GPHN: variants seen among roughly 807,000 people sequenced by gnomAD.
The protein encoded by GPHN is gephyrin.
In GPHN, 17 loss-of-function variants were observed where a neutral mutation model predicts 95.5. That is an observed-to-expected ratio of 0.18 (90% CI 0.12 to 0.27). The LOEUF (loss-of-function observed/expected upper bound fraction) is 0.27, where lower values mean the gene tolerates loss of function less well. Ranked by LOEUF, GPHN falls within the 10% of genes least tolerant of loss-of-function variation. GPHN has a pLI of 1.00. For synonymous variants in GPHN, 320 were observed against 322.5 expected (o/e 0.99, Z 0.08); for missense variants, 660 against 978.1 (o/e 0.67, Z 4.34).
the GPHN span, chr14:67,569,044 C>A: frequency 1.2e-6 from 1 of 815,636 alleles, no homozygotes; most frequent in Non-Finnish European, 2.0e-6. Flanking sequence ...CAGGTCTGCC[C>A]ACCCCCAAAG....
At chr14:67,682,811 C>T in the GPHN span, among the ~76,000 whole-genome samples, 1 of 152,146 alleles carries the variant, frequency 6.6e-6, no homozygotes, top group African/African-American at 2.4e-5. Flanking sequence ...ATTCAAATAG[C>T]TAAAAAGTGC....
At chr14:67,303,703 A>AG in the GPHN span, 5 of 698,302 alleles carry the variant, frequency 7.2e-6, no homozygotes, top group Admixed American at 6.0e-5. Context: ...TACTCAAATA[A>AG]ATTCAATCAT....
At chr14:66,814,355 C>CT (rs1161415178) in intron 3 of GPHN, among the ~76,000 whole-genome samples, 10 of 152,334 alleles carry the variant, frequency 6.6e-5, no homozygotes, top group Non-Finnish European at 1.2e-4. Context: ...CCCCCACCAG[C>CT]TGTGTTGCCT....
the GPHN span, chr14:67,678,344 G>A: frequency 6.2e-7 from 1 of 1,613,756 alleles, no homozygotes; most frequent in Non-Finnish European, 8.5e-7. Flanking sequence ...AGGCCCAGCA[G>A]GTCACAACTG....
At chr14:67,036,500 T>TACAC (rs2074427603) in intron 10 of GPHN, among the ~76,000 whole-genome samples, 1 of 59,136 alleles carries the variant, frequency 1.7e-5, no homozygotes, top group Non-Finnish European at 2.7e-5. Context: ...TATACATACA[T>TACAC]GCACACACAC....
In GPHN at chr14:66,748,261, A is replaced by G. The variant is rs148979495; in HGVS notation, c.144-28203A>G. On this transcript the variant is annotated intron_variant, in intron 2 of 22. Coordinates refer to ENST00000478722, the MANE Select transcript of GPHN (RefSeq NM_020806.5). ...TTAATAAACTCATTTTTAAATTTAA[A>G]TTGCAAAAGTTATCACAGGCTTTCT... Among the ~76,000 whole-genome samples the G allele has an allele frequency of 5.9e-5, 9 of 152,190 alleles. No individual in the cohort carries two copies. The East Asian group carries it at 1.3e-3, about 23-fold the overall frequency.
chr14:66,946,293 A>T (rs540878222), intron 8 of GPHN, among the ~76,000 whole-genome samples: 1 of 152,356 alleles, frequency 6.6e-6, no homozygotes, highest in South Asian at 2.1e-4. Flanking sequence ...CTGGTAAGAC[A>T]CAGAATCTCT....
the GPHN span, among the ~76,000 whole-genome samples, chr14:67,238,345 T>G: frequency 8.4e-3 from 1,255 of 150,246 alleles, 16 homozygotes; most frequent in African/African-American, 0.028. Flanking sequence ...CACAGCTCAC[T>G]GCAGCCTAGA....
At chr14:66,734,200 G>T (rs1038981700) in intron 2 of GPHN, among the ~76,000 whole-genome samples, 20 of 151,986 alleles carry the variant, frequency 1.3e-4, no homozygotes, top group African/African-American at 4.8e-4. Context: ...AACCTTGGTG[G>T]CTCTCTATAA....
chr14:67,348,706 G>C, the GPHN span: 1 of 180,414 alleles, frequency 5.5e-6, no homozygotes, highest in Non-Finnish European at 1.1e-5. Flanking sequence ...ATTATTAGTA[G>C]AGATGGGGTT....
At position 66,662,821 on chromosome 14, in the gene GPHN, A is replaced by G. The variant is rs369850459; in HGVS notation, c.65-18286A>G. Among the ~76,000 whole-genome samples the G allele has an allele frequency of 2.5e-4, 38 of 152,372 alleles. 1 individual carries two copies. Among genetic ancestry groups the G allele is most frequent in the East Asian group, 1.5e-3 (8 of 5,180 alleles). On this transcript the variant is annotated intron_variant, in intron 1 of 22. Coordinates refer to ENST00000478722, the MANE Select transcript of GPHN (RefSeq NM_020806.5). ...CTGAAGAAAACAACAGAAGAAGTTC[A>G]TAATGTAATTCCAAGTATTAATAGC...
At chr14:66,821,186 G>A (rs1366666791) in intron 3 of GPHN, among the ~76,000 whole-genome samples, 1 of 152,100 alleles carries the variant, frequency 6.6e-6, no homozygotes, top group Non-Finnish European at 1.5e-5. Flanking sequence ...ACTAAGCTAA[G>A]ATAAATTACT....
chr14:66,548,330 A>G (rs562697833), intron 1 of GPHN, among the ~76,000 whole-genome samples: 1 of 151,960 alleles, frequency 6.6e-6, no homozygotes, highest in East Asian at 1.9e-4. Context: ...ACGGGCGCCC[A>G]CTACCATGCC....
At chr14:67,674,562 C>G in the GPHN span, 1 of 1,373,138 alleles carries the variant, frequency 7.3e-7, no homozygotes, top group Non-Finnish European at 9.6e-7. Context: ...GGCGGTCAGC[C>G]GCCCAGCCCA....
intron 3 of GPHN, among the ~76,000 whole-genome samples, chr14:66,806,966 A>T (rs2060568780): frequency 6.6e-6 from 1 of 152,174 alleles, no homozygotes; most frequent in Admixed American, 6.5e-5. Flanking sequence ...CAATTTACTG[A>T]ATTAGTCTGT....
intron 8 of GPHN, among the ~76,000 whole-genome samples, chr14:66,949,276 G>T (rs372525722): frequency 6.6e-6 from 1 of 151,964 alleles, no homozygotes; most frequent in African/African-American, 2.4e-5. Flanking sequence ...GTAGAGACAG[G>T]GTCTCACCAT....
the GPHN span, among the ~76,000 whole-genome samples, chr14:67,367,586 G>T: frequency 3.3e-5 from 5 of 152,226 alleles, no homozygotes; most frequent in African/African-American, 1.2e-4. Flanking sequence ...TCATAAATAC[G>T]GTGCATGGAA....
At position 66,842,733 on chromosome 14, in the gene GPHN, A is replaced by G. The variant is rs772667476; in HGVS notation, c.294+18167A>G. The G allele has an allele frequency of 2.9e-5, 43 of 1,497,892 alleles. No individual in the cohort carries two copies. In the South Asian group the frequency reaches 4.5e-4, roughly 16 times the overall value. 92.8% of individuals were successfully genotyped at this position (1,497,892 alleles called of 1,614,324 possible). ...CAGAAAGGGGTAAGCGAAGACTTCA[A>G]TCCCAGCCAATCATTTTCAGATTAA... On this transcript the variant is annotated intron_variant, in intron 4 of 22. Transcript: ENST00000478722.
intron 2 of GPHN, among the ~76,000 whole-genome samples, chr14:66,743,586 A>G (rs2072990786): frequency 6.6e-6 from 1 of 152,036 alleles, no homozygotes; most frequent in Admixed American, 6.5e-5. Context: ...AAAAAATACA[A>G]AAAAAATTAG....
Sources: gnomAD v4.1 joint callset for allele counts (sites outside exome capture counted in the v4.1 genomes callset) on GRCh38, gnomAD v4.1.1 for gene constraint, MANE v1.5 for transcripts, NCBI Gene and HGNC (gene_info 2026-07-23, HGNC 2026-07-21) for gene names.